MRPS6: variants seen among roughly 807,000 people sequenced by gnomAD.
The protein encoded by MRPS6 is small ribosomal subunit protein bS6m.
MRPS6 carries 6 observed loss-of-function variants against 13.1 expected under a neutral mutation model. The observed-to-expected ratio is 0.46, with a 90% CI of 0.25 to 0.91. MRPS6 has a LOEUF of 0.91. MRPS6 is among the 40% of genes least tolerant of loss of function. MRPS6 has a pLI of 0.18. For missense variants in MRPS6, 164 were observed against 155.6 expected (o/e 1.05, Z -0.29); for synonymous variants, 61 against 56.5 (o/e 1.08, Z -0.36).
intron 1 of MRPS6, chr21:34,102,059 A>G: frequency 6.0e-6 from 6 of 1,000,024 alleles, no homozygotes; most frequent in Non-Finnish European, 7.2e-6. Context: ...TGAAAAGGTA[A>G]TCTTTCGATT....
At chr21:34,121,880 C>A (rs1471746911) in intron 1 of MRPS6, among the ~76,000 whole-genome samples, 3 of 152,148 alleles carry the variant, frequency 2.0e-5, no homozygotes, top group Non-Finnish European at 1.5e-5. Flanking sequence ...TTATTAGGAG[C>A]TTGGCAGATG....
intron 1 of MRPS6, chr21:34,095,405 A>G: frequency 6.2e-7 from 1 of 1,614,136 alleles, no homozygotes; most frequent in Non-Finnish European, 8.5e-7. Flanking sequence ...TTGGGCTGGC[A>G]GGATCTGGAG....
At chr21:34,084,407 C>CA (rs1243236384) in intron 1 of MRPS6, among the ~76,000 whole-genome samples, 4 of 152,020 alleles carry the variant, frequency 2.6e-5, no homozygotes, top group African/African-American at 7.3e-5. Context: ...AAAAAAAACA[C>CA]AAAGTTGACC....
chr21:34,118,833 A>C (rs1980022362), intron 1 of MRPS6, among the ~76,000 whole-genome samples: 1 of 152,110 alleles, frequency 6.6e-6, no homozygotes, highest in South Asian at 2.1e-4. Context: ...GTTTCTTAAA[A>C]ATGGCCTATA....
intron 1 of MRPS6, among the ~76,000 whole-genome samples, chr21:34,108,026 C>T (rs1338510161): frequency 2.0e-5 from 3 of 152,084 alleles, no homozygotes; most frequent in East Asian, 1.9e-4. Context: ...GAACAATGGA[C>T]GACGTATATG....
At chr21:34,136,983 T>A (rs1980726623) in intron 2 of MRPS6, among the ~76,000 whole-genome samples, 1 of 152,200 alleles carries the variant, frequency 6.6e-6, no homozygotes, top group Non-Finnish European at 1.5e-5. Context: ...TTAGCACCAT[T>A]TGTTGTAAAT....
rs193098556 is a variant in MRPS6, at chr21:34,103,623, T to G, written c.46-21718T>G. 7 of 1,000,030 alleles carry G rather than the reference T, an allele frequency of 7.0e-6. No homozygotes were observed. In the Admixed American group the frequency reaches 3.7e-4, roughly 53 times the overall value. The allele number at this position is 1,000,030 out of a possible 1,614,324, so 61.9% of individuals were successfully genotyped here. On this transcript the variant is annotated intron_variant, in intron 1 of 2. Transcript: ENST00000399312. ...TACCCACACATAGAAAGCACAAGACTAATAGTATTCTCTGTATCCCACAAG... is the reference window on the plus strand; with the variant it reads ...TACCCACACATAGAAAGCACAAGACGAATAGTATTCTCTGTATCCCACAAG...
chr21:34,139,260 A>G (rs897022328), intron 2 of MRPS6, among the ~76,000 whole-genome samples: 1 of 151,454 alleles, frequency 6.6e-6, no homozygotes, highest in South Asian at 2.1e-4. Context: ...TGGGTACAGC[A>G]CACCAGCATG....
At chr21:34,108,534 T>A (rs1186198829) in intron 1 of MRPS6, among the ~76,000 whole-genome samples, 1 of 152,222 alleles carries the variant, frequency 6.6e-6, no homozygotes, top group Admixed American at 6.5e-5. Context: ...TGTGCACATC[T>A]ACAGATGCCT....
Position 34,125,632 on chromosome 21 carries a change from C to T in MRPS6, c.185+152C>T, listed in dbSNP as rs966623704. 4 of 1,206,270 alleles carry T rather than the reference C, an allele frequency of 3.3e-6. No individual in the cohort carries two copies. The African/African-American group carries it at 4.7e-5, about 14-fold the overall frequency. 74.7% of individuals were successfully genotyped at this position (1,206,270 alleles called of 1,614,324 possible). On this transcript the variant is annotated intron_variant, in intron 2 of 2. Coordinates refer to ENST00000399312, the MANE Select transcript of MRPS6 (RefSeq NM_032476.4). ...TACACACTCTGGCAGTCTTGTGTTGCAGATGGGATGTGATATGCTGGCCCT... is the reference window on the plus strand; with the variant it reads ...TACACACTCTGGCAGTCTTGTGTTGTAGATGGGATGTGATATGCTGGCCCT...
intron 1 of MRPS6, among the ~76,000 whole-genome samples, chr21:34,087,769 C>T (rs761765541): frequency 9.2e-5 from 14 of 152,282 alleles, no homozygotes; most frequent in African/African-American, 1.9e-4. Context: ...GGGCCAAGGG[C>T]AGAAGCATGG....
intron 1 of MRPS6, among the ~76,000 whole-genome samples, chr21:34,087,323 A>G (rs2834375): frequency 0.28 from 41,904 of 152,092 alleles, 6,828 homozygotes; most frequent in Non-Finnish European, 0.37. Context: ...GTTGATGGTA[A>G]TATAGGATAT....
At position 34,100,921 on chromosome 21, in the gene MRPS6, T is replaced by G. The variant is rs949445276; in HGVS notation, c.46-24420T>G. 4.1e-5 allele frequency: 41 copies of G among 1,000,108 alleles called. No individual in the cohort carries two copies. The South Asian group carries it at 4.2e-4, about 10-fold the overall frequency. The allele number at this position is 1,000,108 out of a possible 1,614,324, so 62.0% of individuals were successfully genotyped here. On this transcript the variant is annotated intron_variant, in intron 1 of 2. Transcript: ENST00000399312. The stretch of plus-strand genomic sequence containing the variant: ...AAGGTTAGGTCTTCCCTGTTCCTGC[T>G]TGGCAGTGTTAAAGCTTACAGGGTT...
intron 1 of MRPS6, among the ~76,000 whole-genome samples, chr21:34,116,519 A>G (rs1979917545): frequency 6.6e-6 from 1 of 151,840 alleles, no homozygotes; most frequent in Non-Finnish European, 1.5e-5. Flanking sequence ...CTATCCTAAT[A>G]ACTTTATGAT....
intron 2 of MRPS6, among the ~76,000 whole-genome samples, chr21:34,141,229 AACTGTG>A (rs1980896889): frequency 6.6e-6 from 1 of 152,182 alleles, no homozygotes; most frequent in African/African-American, 2.4e-5. Context: ...TTCCTATGGC[AACTGTG>A]CTTTAGTGGA....
chr21:34,074,114 G>A (rs1032117631), intron 1 of MRPS6, among the ~76,000 whole-genome samples: 2 of 148,294 alleles, frequency 1.3e-5, no homozygotes, highest in Non-Finnish European at 3.0e-5. Flanking sequence ...CGCCCAGCCC[G>A]ACTCCGGCCC....
intron 1 of MRPS6, chr21:34,102,876 T>C (rs1021851681): frequency 3.0e-6 from 3 of 999,758 alleles, no homozygotes; most frequent in African/African-American, 3.5e-5. Flanking sequence ...GGAATACATA[T>C]TACAGTGAAT....
Position 34,125,378 on chromosome 21 carries a change from C to T in MRPS6, c.83C>T (p.Ala28Val), listed in dbSNP as rs1474480312. The change falls in exon 2 of 3, where the codon GCC (alanine) becomes GTC (valine). Residue 28 changes from alanine (A) to valine (V), a missense_variant. Ala to Val is a moderately conservative substitution (Grantham distance 64). Transcript: ENST00000399312. Reference protein sequence around the residue: ...TAATLKRTIEALMDRGAIVRD... With the variant: ...TAATLKRTIEVLMDRGAIVRD... ...GCTACTTTGAAACGTACGATAGAGGCCCTGATGGACAGAGGAGCAATAGTG... is the reference window on the plus strand; with the variant it reads ...GCTACTTTGAAACGTACGATAGAGGTCCTGATGGACAGAGGAGCAATAGTG... 3 of 1,613,802 alleles carry T rather than the reference C, an allele frequency of 1.9e-6. No homozygotes were observed. In the African/African-American group the frequency reaches 4.0e-5, roughly 22 times the overall value.
chr21:34,112,464 A>G (rs1341176136), intron 1 of MRPS6, among the ~76,000 whole-genome samples: 2 of 152,188 alleles, frequency 1.3e-5, no homozygotes, highest in African/African-American at 4.8e-5. Context: ...GTATCTTACA[A>G]TTCACCCATT....
Sources: gnomAD v4.1 joint callset for allele counts (sites outside exome capture counted in the v4.1 genomes callset) on GRCh38, gnomAD v4.1.1 for gene constraint, MANE v1.5 for transcripts, NCBI Gene and HGNC (gene_info 2026-07-23, HGNC 2026-07-21) for gene names.